PRDM16: variants seen among roughly 807,000 people sequenced by gnomAD.
The protein encoded by PRDM16 is histone-lysine N-methyltransferase PRDM16.
PRDM16 carries 23 observed loss-of-function variants against 110.6 expected under a neutral mutation model. The ratio of observed to expected loss-of-function variants is 0.21; its 90% CI spans 0.15 to 0.29. The LOEUF (loss-of-function observed/expected upper bound fraction) is 0.29, where lower values mean the gene tolerates loss of function less well. Ranked by LOEUF, PRDM16 falls within the 10% of genes least tolerant of loss-of-function variation. The pLI is 1.00. For missense variants in PRDM16, 1,615 were observed against 1,794.3 expected (o/e 0.90, Z 1.81); for synonymous variants, 799 against 781.8 (o/e 1.02, Z -0.37).
At chr1:3,426,270 C>A (rs746177982) in intron 14 of PRDM16, 45 bp downstream of exon 14, 1 of 1,571,384 alleles carries the variant, frequency 6.4e-7, no homozygotes, top group Non-Finnish European at 8.7e-7. Flanking sequence ...ACCCGGCCAA[C>A]AGCCCTGCGT....
chr1:3,202,401 C>CTGCCCTG (rs1166863653), intron 2 of PRDM16, among the ~76,000 whole-genome samples: 2 of 152,052 alleles, frequency 1.3e-5, no homozygotes, highest in Admixed American at 1.3e-4. Flanking sequence ...GGGAACTTGG[C>CTGCCCTG]TGCCCTGTGG....
intron 1 of PRDM16, among the ~76,000 whole-genome samples, chr1:3,146,222 CGG>C (rs554657862): frequency 1.3e-5 from 2 of 152,146 alleles, no homozygotes; most frequent in African/African-American, 4.8e-5. Flanking sequence ...AGGGTGGAAA[CGG>C]GGGGGCCCGC....
intron 1 of PRDM16, among the ~76,000 whole-genome samples, chr1:3,128,510 C>T (rs1643258407): frequency 6.6e-6 from 1 of 152,224 alleles, no homozygotes. Flanking sequence ...CCTGGGGTGG[C>T]TCCACAGTGG....
intron 2 of PRDM16, among the ~76,000 whole-genome samples, chr1:3,242,622 C>T (rs1328203920): frequency 3.9e-5 from 6 of 152,230 alleles, no homozygotes; most frequent in African/African-American, 9.6e-5. Flanking sequence ...AATCTAGCAG[C>T]CATCACTGCC....
intron 1 of PRDM16, among the ~76,000 whole-genome samples, chr1:3,150,901 G>C (rs1299567432): frequency 9.9e-6 from 1 of 101,472 alleles, no homozygotes; most frequent in Non-Finnish European, 2.0e-5. Context: ...TATGGAAACG[G>C]GGGGGCTGGT....
At chr1:3,391,964 G>A (rs369859017) in intron 4 of PRDM16, among the ~76,000 whole-genome samples, 31 of 152,372 alleles carry the variant, frequency 2.0e-4, no homozygotes, top group African/African-American at 7.2e-4. Flanking sequence ...GGCCGGCCTC[G>A]GGGCTCGGGG....
At chr1:3,182,633 C>T (rs985661145) in intron 1 of PRDM16, among the ~76,000 whole-genome samples, 8 of 152,136 alleles carry the variant, frequency 5.3e-5, no homozygotes, top group African/African-American at 1.2e-4. Flanking sequence ...AGGGGCAATG[C>T]GAGGGGCAGA....
At chr1:3,165,154 G>A (rs1293980568) in intron 1 of PRDM16, among the ~76,000 whole-genome samples, 1 of 152,240 alleles carries the variant, frequency 6.6e-6, no homozygotes, top group African/African-American at 2.4e-5. Context: ...GTGAGCGCCC[G>A]TGGGCTCAGG....
rs1638948625 is a variant in PRDM16 at position 3,437,769 on chromosome 1, AAAT to A, written c.*3961_*3963del. 1 of 218,660 alleles carries A rather than the reference AAAT, an allele frequency of 4.6e-6. No individual in the cohort carries two copies. The highest frequency in any genetic ancestry group is 9.2e-6 in the Non-Finnish European group (1 of 108,972). 13.5% of individuals were successfully genotyped at this position (218,660 alleles called of 1,614,324 possible). A position where few individuals can be genotyped will look rare whatever the true frequency, so the allele number is the denominator to read the frequency against. On this transcript the variant is annotated 3_prime_UTR_variant, in exon 17 of 17. Transcript: ENST00000270722. Reference sequence around the variant, plus strand: ...TTTGGAAAAAAATAAATAAATAAATAAATAAAAGGCAGCTTGAGTTTCCAAACG... The same window carrying A: ...TTTGGAAAAAAATAAATAAATAAATAAAAAGGCAGCTTGAGTTTCCAAACG...
intron 3 of PRDM16, among the ~76,000 whole-genome samples, chr1:3,279,733 G>A (rs1295781746): frequency 6.6e-6 from 1 of 152,136 alleles, no homozygotes; most frequent in African/African-American, 2.4e-5. Context: ...AGGAAGGCAG[G>A]ACAAAGGGGC....
chr1:3,080,968 C>G lies in PRDM16; in HGVS notation c.37+11672C>G, dbSNP rs1570213300. ...GAGGGGGTGGCGGGGCGGGGGGGGT[C>G]TGCACATTCCGCCGAGTGTCCTCAT... is the stretch of plus-strand genomic sequence containing the variant. On this transcript the variant is annotated intron_variant, in intron 1 of 16. Transcript: ENST00000270722. The surrounding 1 kb of genome is among the most constrained non-coding windows in gnomAD (Gnocchi z 5.2). Among the ~76,000 whole-genome samples the G allele has an allele frequency of 6.6e-6, 1 of 150,904 alleles. No individual in the cohort carries two copies. The highest frequency in any genetic ancestry group is 2.0e-4 in the East Asian group (1 of 5,052).
Position 3,143,866 on chromosome 1 carries a change from G to A in PRDM16, c.38-42259G>A, listed in dbSNP as rs1204020530. ...GCCCCTGGGAGCTGAGGCCCTGTCT[G>A]TGGATGGAGGAGGAGGGACTGGCAA... is the stretch of plus-strand genomic sequence containing the variant. On this transcript the variant is annotated intron_variant, in intron 1 of 16. Coordinates refer to ENST00000270722, the MANE Select transcript of PRDM16 (RefSeq NM_022114.4). The surrounding 1 kb of genome is among the most constrained non-coding windows in gnomAD (Gnocchi z 4.5). Among the ~76,000 whole-genome samples, 1 of 152,214 alleles carries A rather than the reference G, an allele frequency of 6.6e-6. No individual in the cohort carries two copies. Among genetic ancestry groups the A allele is most frequent in the East Asian group, 1.9e-4 (1 of 5,194 alleles).
rs1215471616 is a variant in PRDM16 at position 3,091,250 on chromosome 1, A to T, written c.37+21954A>T. 2.0e-5 allele frequency among the ~76,000 whole-genome samples: 3 copies of T among 152,174 alleles called. No homozygotes were observed. In the East Asian group the frequency reaches 5.8e-4, roughly 29 times the overall value. Reference sequence around the variant, plus strand: ...GGCCAAGCCAGACAGGCTCTCTGAAACCCAGGGTATGCGGATGGGGAAACT... The same window carrying T: ...GGCCAAGCCAGACAGGCTCTCTGAATCCCAGGGTATGCGGATGGGGAAACT... On this transcript the variant is annotated intron_variant, in intron 1 of 16. Transcript: ENST00000270722.
intron 3 of PRDM16, among the ~76,000 whole-genome samples, chr1:3,362,327 C>A (rs1642729930): frequency 9.3e-6 from 1 of 107,448 alleles, no homozygotes; most frequent in African/African-American, 3.3e-5. Flanking sequence ...CCACCCTCTG[C>A]ATGGGACACC....
chr1:3,230,144 G>A (rs1639374899), intron 2 of PRDM16, among the ~76,000 whole-genome samples: 1 of 152,206 alleles, frequency 6.6e-6, no homozygotes, highest in African/African-American at 2.4e-5. Context: ...CGGGCACCCA[G>A]TGTGCTGTCT....
chr1:3,383,568 G>A (rs999636704), intron 3 of PRDM16, among the ~76,000 whole-genome samples: 3 of 152,148 alleles, frequency 2.0e-5, no homozygotes, highest in African/African-American at 2.4e-5. Context: ...GATTGGTGCC[G>A]ACGTTTAACT....
chr1:3,237,788 G>A (rs559945405), intron 2 of PRDM16: 1 of 152,432 alleles, frequency 6.6e-6, no homozygotes, highest in South Asian at 2.1e-4. Context: ...AAGAGAAGCA[G>A]GCCATGCCCA....
chr1:3,074,488 T>C (rs1175313844), intron 1 of PRDM16, among the ~76,000 whole-genome samples: 1 of 152,110 alleles, frequency 6.6e-6, no homozygotes, highest in African/African-American at 2.4e-5. Flanking sequence ...GCTCAACTTG[T>C]AGCAGGTCTG....
intron 8 of PRDM16, among the ~76,000 whole-genome samples, chr1:3,406,955 A>G: frequency 6.6e-6 from 1 of 152,100 alleles, no homozygotes; most frequent in East Asian, 1.9e-4. Flanking sequence ...TTCTGTCTCC[A>G]GTTGTCATAG....
Sources: gnomAD v4.1 joint callset for allele counts (sites outside exome capture counted in the v4.1 genomes callset) on GRCh38, gnomAD v4.1.1 for gene constraint, Gnocchi (gnomAD v3.1) non-coding constraint, MANE v1.5 for transcripts, NCBI Gene and HGNC (gene_info 2026-07-23, HGNC 2026-07-21) for gene names.